The following KDM4B variants were observed in gnomAD, a reference collection of about 807,000 sequenced individuals.
KDM4B encodes lysine demethylase 4B, also known as lysine-specific demethylase 4B.
A neutral mutation model predicts 125.2 loss-of-function variants in KDM4B; 32 were observed. That is an observed-to-expected ratio of 0.26 (90% CI 0.19 to 0.34). The LOEUF is 0.34. Ranked by LOEUF, KDM4B falls within the 10% of genes least tolerant of loss-of-function variation. KDM4B has a pLI of 1.00. For synonymous variants in KDM4B, 721 were observed against 677.9 expected (o/e 1.06, Z -0.99); for missense variants, 1,190 against 1,577.7 (o/e 0.75, Z 4.16).
intron 1 of KDM4B, among the ~76,000 whole-genome samples, chr19:4,973,593 C>T (rs747230305): frequency 2.6e-5 from 4 of 152,196 alleles, no homozygotes; most frequent in South Asian, 4.1e-4. Context: ...AGTGGATTGA[C>T]GAATTGATGT....
chr19:4,998,403 A>G (rs2035268430), intron 1 of KDM4B, among the ~76,000 whole-genome samples: 1 of 152,220 alleles, frequency 6.6e-6, no homozygotes, highest in African/African-American at 2.4e-5. Context: ...CAAGAATAAT[A>G]GGAAGAATTC....
At chr19:5,083,875 AT>A (rs1382040080) in intron 9 of KDM4B, among the ~76,000 whole-genome samples, 1 of 152,174 alleles carries the variant, frequency 6.6e-6, no homozygotes, top group East Asian at 1.9e-4. Flanking sequence ...TTCTTCTCAG[AT>A]CCAGATGTGG....
At chr19:5,144,743 G>C in intron 20 of KDM4B, 40 bp from the exon 21 acceptor site, 1 of 1,612,468 alleles carries the variant, frequency 6.2e-7, no homozygotes, top group Non-Finnish European at 8.5e-7. Context: ...CCCCAGCGTA[G>C]TGTGGCCAGG....
chr19:5,005,721 A>G (rs1291224583), intron 1 of KDM4B, among the ~76,000 whole-genome samples: 1 of 152,166 alleles, frequency 6.6e-6, no homozygotes, highest in East Asian at 1.9e-4. Flanking sequence ...GTCCTCACCC[A>G]GGACGTCCCT....
chr19:5,020,976 G>A (rs182349753), intron 2 of KDM4B, among the ~76,000 whole-genome samples: 5 of 152,000 alleles, frequency 3.3e-5, no homozygotes, highest in Non-Finnish European at 4.4e-5. Context: ...GTGAAACTCC[G>A]TCTCAACTAA....
rs529748690 is a variant in KDM4B at position 4,998,166 on chromosome 19, C to G, written c.-108-18091C>G. Among the ~76,000 whole-genome samples, 3 of 152,244 alleles carry G rather than the reference C, an allele frequency of 2.0e-5. No individual in the cohort carries two copies. In the East Asian group the frequency reaches 5.8e-4, roughly 29 times the overall value. On this transcript the variant is annotated intron_variant, in intron 1 of 22. Transcript: ENST00000159111. ...CCCTCGCCTGGGGGCAGTGGACGGA[C>G]AGGTGGCCTTTGCCCGTAGTGCTCC...
In KDM4B at chr19:5,136,661, C is replaced by T. The variant is rs1428127935; in HGVS notation, c.2309-601C>T. 3.3e-5 allele frequency among the ~76,000 whole-genome samples: 5 copies of T among 152,314 alleles called. No homozygotes were observed. The East Asian group carries it at 9.7e-4, about 29-fold the overall frequency. On this transcript the variant is annotated intron_variant, in intron 15 of 22. Transcript: ENST00000159111. Reference sequence around the variant, plus strand: ...CCCACCCCCAGCCGTGCCCACCACCCTGCTGCTCTGGAGGCAGTGAGGTCC... The same window carrying T: ...CCCACCCCCAGCCGTGCCCACCACCTTGCTGCTCTGGAGGCAGTGAGGTCC...
rs932939815 is a variant in KDM4B at position 5,150,371 on chromosome 19, A to G, written c.3035A>G (p.Asp1012Gly). The G allele has an allele frequency of 1.9e-6, 3 of 1,551,052 alleles. No homozygotes were observed. The highest frequency in any genetic ancestry group is 2.7e-5 in the African/African-American group (2 of 73,040). ...ATCCCCCTGCAGGTGGAGTTTGAGG[A>G]CGGGTCCCAGCTGACGGTGAAGCGT... Reference protein sequence around the residue: ...TSHIYQVEFEDGSQLTVKRGD... With the variant: ...TSHIYQVEFEGGSQLTVKRGD... The change falls in exon 22 of 23, where the codon GAC (aspartate) becomes GGC (glycine). Residue 1012 changes from aspartate to glycine, a missense_variant. Coordinates refer to ENST00000159111, the MANE Select transcript of KDM4B (RefSeq NM_015015.3).
At chr19:5,061,867 CA>C (rs570917004) in intron 6 of KDM4B, among the ~76,000 whole-genome samples, 4 of 149,992 alleles carry the variant, frequency 2.7e-5, no homozygotes, top group South Asian at 4.2e-4. Context: ...AAAACAACAA[CA>C]AAAAAAAACA....
chr19:5,019,997 G>A (rs2036051883), intron 2 of KDM4B, among the ~76,000 whole-genome samples: 1 of 142,492 alleles, frequency 7.0e-6, no homozygotes, highest in Non-Finnish European at 1.5e-5. Context: ...TTGGTGTGCA[G>A]GTGCTGCTGT....
At chr19:5,020,529 G>C (rs2036082220) in intron 2 of KDM4B, among the ~76,000 whole-genome samples, 1 of 152,168 alleles carries the variant, frequency 6.6e-6, no homozygotes, top group Admixed American at 6.5e-5. Flanking sequence ...TCTGGTCTTG[G>C]AAAAGACTCT....
At chr19:5,106,978 G>A (rs1032964887) in intron 9 of KDM4B, among the ~76,000 whole-genome samples, 24 of 152,328 alleles carry the variant, frequency 1.6e-4, no homozygotes, top group African/African-American at 5.8e-4. Flanking sequence ...AGAATGCGGC[G>A]TATTTGGGAA....
At chr19:5,048,887 C>T (rs2037127740) in intron 6 of KDM4B, among the ~76,000 whole-genome samples, 1 of 152,110 alleles carries the variant, frequency 6.6e-6, no homozygotes, top group Non-Finnish European at 1.5e-5. Flanking sequence ...GCAAGGAGGC[C>T]CAGCCAGACA....
intron 8 of KDM4B, among the ~76,000 whole-genome samples, chr19:5,080,371 C>T (rs1418007574): frequency 6.6e-6 from 1 of 152,230 alleles, no homozygotes; most frequent in Non-Finnish European, 1.5e-5. Flanking sequence ...AGAACTCCTA[C>T]AAATCAGAGA....
chr19:5,034,483 T>C lies in KDM4B; in HGVS notation c.141+1452T>C, dbSNP rs539312426. On this transcript the variant is annotated intron_variant, in intron 3 of 22. Coordinates refer to ENST00000159111, the MANE Select transcript of KDM4B (RefSeq NM_015015.3). ...TCCTGGATGCTGGAGGGCAAACGCG[T>C]ATTGTTTTCACGTCTTCTGCTTTTT... Among the ~76,000 whole-genome samples, 17 of 152,346 alleles carry C rather than the reference T, an allele frequency of 1.1e-4. No individual in the cohort carries two copies. In the South Asian group the frequency reaches 3.5e-3, roughly 32 times the overall value.
rs765824790 is a variant in KDM4B, at chr19:5,114,375, G to A, written c.1115+3557G>A. 6.0e-5 allele frequency: 35 copies of A among 586,912 alleles called. No individual in the cohort carries two copies. Among genetic ancestry groups the A allele is most frequent in the South Asian group, 2.5e-4 (17 of 66,834 alleles). 36.4% of individuals were successfully genotyped at this position (586,912 alleles called of 1,614,324 possible). The stretch of plus-strand genomic sequence containing the variant: ...CCCTCCTGCTCTGCCTTGGCCTGTC[G>A]CCCCTGCGCCAGTGCAGGACACCGC... On this transcript the variant is annotated intron_variant, in intron 10 of 22. Transcript: ENST00000159111. The surrounding 1 kb of genome is among the most constrained non-coding windows in gnomAD (Gnocchi z 5.8).
In KDM4B at chr19:5,040,102, G is replaced by A. The variant is rs1263678416; in HGVS notation, c.317+91G>A. 18 of 1,353,936 alleles carry A rather than the reference G, an allele frequency of 1.3e-5. No homozygotes were observed. The East Asian group carries it at 2.5e-4, about 19-fold the overall frequency. The allele number at this position is 1,353,936 out of a possible 1,614,324, so 83.9% of individuals were successfully genotyped here. A position where few individuals can be genotyped will look rare whatever the true frequency, so the allele number is the denominator to read the frequency against. ...TGGGGGCAGAGAAGGTGCGGTACAC[G>A]CAGCCCCCACAGCATGGCCGGCCTG... On this transcript the variant is annotated intron_variant, in intron 4 of 22. Coordinates refer to ENST00000159111, the MANE Select transcript of KDM4B (RefSeq NM_015015.3).
rs905585716 is a variant in KDM4B at position 4,997,351 on chromosome 19, G to A, written c.-108-18906G>A. Among the ~76,000 whole-genome samples the A allele has an allele frequency of 4.6e-5, 7 of 151,992 alleles. No individual in the cohort carries two copies. Among genetic ancestry groups the A allele is most frequent in the African/African-American group, 9.7e-5 (4 of 41,368 alleles). On this transcript the variant is annotated intron_variant, in intron 1 of 22. Coordinates refer to ENST00000159111, the MANE Select transcript of KDM4B (RefSeq NM_015015.3). The surrounding 1 kb of genome is among the most constrained non-coding windows in gnomAD (Gnocchi z 4.2). The stretch of plus-strand genomic sequence containing the variant: ...TGTCCCACTTAGAGAGGTTTCCCCC[G>A]CCCTAGGAGTCCAGGAGCGTCGGCC...
intron 1 of KDM4B, among the ~76,000 whole-genome samples, chr19:5,003,956 C>T (rs1430226317): frequency 6.6e-6 from 1 of 152,204 alleles, no homozygotes; most frequent in African/African-American, 2.4e-5. Flanking sequence ...GTCGGATGCT[C>T]AGCCGCTTGA....
Sources: gnomAD v4.1 joint callset for allele counts (sites outside exome capture counted in the v4.1 genomes callset) on GRCh38, gnomAD v4.1.1 for gene constraint, Gnocchi (gnomAD v3.1) non-coding constraint, MANE v1.5 for transcripts, NCBI Gene and HGNC (gene_info 2026-07-23, HGNC 2026-07-21) for gene names.